BMPER: variants seen among roughly 807,000 people sequenced by gnomAD.
The protein encoded by BMPER is BMP-binding endothelial regulator protein.
BMPER carries 45 observed loss-of-function variants against 87.3 expected under a neutral mutation model. The ratio of observed to expected loss-of-function variants is 0.52; its 90% CI spans 0.41 to 0.66. The LOEUF (loss-of-function observed/expected upper bound fraction) is 0.66, where lower values mean the gene tolerates loss of function less well. BMPER is among the 30% of genes least tolerant of loss of function. The pLI is 0.00. For missense variants in BMPER, 784 were observed against 867.5 expected, an observed-to-expected ratio of 0.90 and a Z score of 1.21; for synonymous variants, 326 against 316.2, an observed-to-expected ratio of 1.03 and a Z score of -0.33.
chr7:34,091,190 A>G (rs1034125101), intron 13 of BMPER, among the ~76,000 whole-genome samples: 1 of 152,228 alleles, frequency 6.6e-6, no homozygotes, highest in Non-Finnish European at 1.5e-5. Flanking sequence ...TACAAAGGAA[A>G]CTGATCACTT....
rs1406537300 is a variant in BMPER at position 34,153,805 on chromosome 7, G to A, written c.*532G>A. On this transcript the variant is annotated 3_prime_UTR_variant, in exon 15 of 15. Transcript: ENST00000649409. Reference sequence around the variant, plus strand: ...AGGAGATTGGTGACCGGCCCTAATGGTGCATGAAAAGCGAGTGATAGGCTG... The same window carrying A: ...AGGAGATTGGTGACCGGCCCTAATGATGCATGAAAAGCGAGTGATAGGCTG... 4.3e-5 allele frequency: 7 copies of A among 164,588 alleles called. No homozygotes were observed. The highest frequency in any genetic ancestry group is 1.7e-4 in the African/African-American group (7 of 41,530). The allele number at this position is 164,588 out of a possible 1,614,324, so 10.2% of individuals were successfully genotyped here.
chr7:33,924,209 C>G (rs373197925), intron 2 of BMPER, among the ~76,000 whole-genome samples: 37 of 152,318 alleles, frequency 2.4e-4, no homozygotes, highest in African/African-American at 8.9e-4. Context: ...ATCCCATGTT[C>G]TATTCATTAG....
chr7:34,086,057 C>T lies in BMPER; in HGVS notation c.1710C>T (p.Thr570=). Residue 570 remains threonine, a synonymous_variant, in exon 13 of 15, where the codon ACC becomes ACT. Transcript: ENST00000649409. The part of the protein sequence containing the change: ...CQKLKSWEFQ[T]CHSTVDYATF... ...AGCTCAAATCCTGGGAGTTTCAGAC[C>T]TGCCACTCGACTGTGGACTACGCCA... 1 of 1,613,920 alleles carries T rather than the reference C, an allele frequency of 6.2e-7. No homozygotes were observed. Among genetic ancestry groups the T allele is most frequent in the Non-Finnish European group, 8.5e-7 (1 of 1,180,028 alleles).
At chr7:34,012,230 A>G (rs1786902869) in intron 6 of BMPER, among the ~76,000 whole-genome samples, 1 of 151,932 alleles carries the variant, frequency 6.6e-6, no homozygotes, top group South Asian at 2.1e-4. Context: ...TTGATTTCCT[A>G]TGAGGGATTT....
intron 2 of BMPER, among the ~76,000 whole-genome samples, chr7:33,918,794 A>G (rs1784145372): frequency 6.6e-6 from 1 of 152,208 alleles, no homozygotes; most frequent in Non-Finnish European, 1.5e-5. Context: ...AGTGGGACCC[A>G]CCAGAGGTCA....
chr7:34,127,208 G>A (rs1461320179), intron 13 of BMPER, among the ~76,000 whole-genome samples: 1 of 152,120 alleles, frequency 6.6e-6, no homozygotes, highest in African/African-American at 2.4e-5. Context: ...CATGTCAGTA[G>A]GGATGTCCAA....
At chr7:34,027,454 T>C (rs578013825) in intron 6 of BMPER, among the ~76,000 whole-genome samples, 1 of 152,214 alleles carries the variant, frequency 6.6e-6, no homozygotes, top group South Asian at 2.1e-4. Context: ...ATTATTAGTG[T>C]TTATTAAATG....
chr7:34,072,436 A>ATT lies in BMPER; in HGVS notation c.1079-6409_1079-6408dup, dbSNP rs71554123. ...CTGAATGCCCTAGGGAAGAGAATCG[A>ATT]TTTTTTTTTTTTTCCTTTTCCAGCT... On this transcript the variant is annotated intron_variant, in intron 11 of 14. Transcript: ENST00000649409. Among the ~76,000 whole-genome samples, 839 of 145,268 alleles carry ATT rather than the reference A, an allele frequency of 5.8e-3. 12 individuals are homozygous for ATT. Among genetic ancestry groups the ATT allele is most frequent in the African/African-American group, 0.02 (797 of 39,694 alleles).
At chr7:33,950,538 A>T (rs1266756086) in intron 3 of BMPER, among the ~76,000 whole-genome samples, 1 of 152,126 alleles carries the variant, frequency 6.6e-6, no homozygotes, top group East Asian at 1.9e-4. Context: ...TTCTAAGCTC[A>T]CGTGGCTGTC....
At chr7:34,024,288 G>A (rs1280700466) in intron 6 of BMPER, among the ~76,000 whole-genome samples, 5 of 137,696 alleles carry the variant, frequency 3.6e-5, no homozygotes, top group African/African-American at 1.4e-4. Context: ...AAGCCAGGAG[G>A]CAGAGGTTGT....
rs77835415 is a variant in BMPER at position 34,153,951 on chromosome 7, G to T, written c.*678G>T. The T allele has an allele frequency of 0.015, 2,244 of 154,452 alleles. 43 individuals are homozygous for T. The highest frequency in any genetic ancestry group is 0.063 in the South Asian group (310 of 4,952). 9.6% of individuals were successfully genotyped at this position (154,452 alleles called of 1,614,324 possible). On this transcript the variant is annotated 3_prime_UTR_variant, in exon 15 of 15. Transcript: ENST00000649409. ...TCAAGTGATTTCTTGCCATCCTTGC[G>T]TAGTCCTCAAGTCTTCTAATCATCT... is the stretch of plus-strand genomic sequence containing the variant.
intron 4 of BMPER, among the ~76,000 whole-genome samples, chr7:33,969,750 G>A (rs1022084875): frequency 6.6e-6 from 1 of 152,188 alleles, no homozygotes; most frequent in African/African-American, 2.4e-5. Context: ...TATATAATAT[G>A]AACTTAAAAA....
chr7:34,062,879 ATGT>A (rs766607693), intron 11 of BMPER, among the ~76,000 whole-genome samples: 16 of 152,160 alleles, frequency 1.1e-4, no homozygotes, highest in African/African-American at 1.9e-4. Context: ...ATTGACCAAA[ATGT>A]TGTTGTGTGA....
chr7:34,101,230 C>T (rs745607584), intron 13 of BMPER, among the ~76,000 whole-genome samples: 1 of 152,086 alleles, frequency 6.6e-6, no homozygotes, highest in Non-Finnish European at 1.5e-5. Flanking sequence ...GTTTTTTTCC[C>T]ATGCTGGAGA....
intron 13 of BMPER, among the ~76,000 whole-genome samples, chr7:34,095,570 T>C (rs1011703180): frequency 1.3e-5 from 2 of 152,212 alleles, no homozygotes; most frequent in South Asian, 4.1e-4. Context: ...TCATTTTGTA[T>C]GCAAATGAAA....
At chr7:34,127,874 A>G (rs1045587374) in intron 13 of BMPER, among the ~76,000 whole-genome samples, 1 of 152,156 alleles carries the variant, frequency 6.6e-6, no homozygotes, top group Non-Finnish European at 1.5e-5. Context: ...TAGCTGCTTA[A>G]TCCCTACATA....
rs145532415 is a variant in BMPER, at chr7:34,156,293, A to G, written c.*3020A>G. Among the ~76,000 whole-genome samples, 2,119 of 152,362 alleles carry G rather than the reference A, an allele frequency of 0.014. 26 individuals carry two copies. Among genetic ancestry groups the G allele is most frequent in the Non-Finnish European group, 0.023 (1,554 of 68,034 alleles). ...TTTTTATGAGATATTTCAGACACACAAAAAGGCATAGAGAAAAATGTTGCA... is the reference window on the plus strand; with the variant it reads ...TTTTTATGAGATATTTCAGACACACGAAAAGGCATAGAGAAAAATGTTGCA... On this transcript the variant is annotated 3_prime_UTR_variant, in exon 15 of 15. Transcript: ENST00000649409.
At chr7:33,973,782 G>A (rs1264234399) in intron 5 of BMPER, among the ~76,000 whole-genome samples, 1 of 152,210 alleles carries the variant, frequency 6.6e-6, no homozygotes, top group Non-Finnish European at 1.5e-5. Flanking sequence ...TCCTGGTCCA[G>A]CACCTTGTGA....
At chr7:33,941,510 T>C (rs1562643635) in intron 3 of BMPER, among the ~76,000 whole-genome samples, 2 of 152,174 alleles carry the variant, frequency 1.3e-5, no homozygotes, top group Admixed American at 6.6e-5. Flanking sequence ...GTAGAATCAC[T>C]GAGAGCCCTG....
Sources: allele counts gnomAD v4.1 joint callset (sites outside exome capture counted in the v4.1 genomes callset), GRCh38; gene constraint gnomAD v4.1.1; transcripts MANE v1.5; gene names NCBI Gene and HGNC (gene_info 2026-07-23, HGNC 2026-07-21).